PCMTD2: variants seen among roughly 807,000 people sequenced by gnomAD.
PCMTD2 encodes protein-L-isoaspartate O-methyltransferase domain-containing protein 2.
PCMTD2 carries 16 observed loss-of-function variants against 33.4 expected under a neutral mutation model. The ratio of observed to expected loss-of-function variants is 0.48; its 90% CI spans 0.32 to 0.73. PCMTD2 has a LOEUF of 0.73. PCMTD2 is among the 30% of genes least tolerant of loss of function. PCMTD2 has a pLI of 0.03. For missense variants in PCMTD2, 374 were observed against 449.9 expected (o/e 0.83, Z 1.53); for synonymous variants, 161 against 160.8 (o/e 1.00, Z -0.01).
Position 64,255,766 on chromosome 20 carries a change from A to AGGTTGGAGCGGCGCTGCTCGGCCGC in PCMTD2, c.-126_-102dup, listed in dbSNP as rs1985124183. ...CGGCGGCGGATGTTTACGGCGGCCG[A>AGGTTGGAGCGGCGCTGCTCGGCCGC]GGTTGGAGCGGCGCTGCTCGGCCGC... is the stretch of plus-strand genomic sequence containing the variant. On this transcript the variant is annotated 5_prime_UTR_variant, in exon 1 of 6. The change creates a premature stop within an existing upstream ORF in the 5' untranslated region. Coordinates refer to ENST00000308824, the MANE Select transcript of PCMTD2 (RefSeq NM_018257.3). 5.8e-6 allele frequency: 1 copy of AGGTTGGAGCGGCGCTGCTCGGCCGC among 173,284 alleles called. No homozygotes were observed. The highest frequency in any genetic ancestry group is 2.6e-5 in the African/African-American group (1 of 38,090). The allele number at this position is 173,284 out of a possible 1,614,324, so 10.7% of individuals were successfully genotyped here. A position where few individuals can be genotyped will look rare whatever the true frequency, so the allele number is the denominator to read the frequency against.
At chr20:64,264,651 A>G (rs181754850) in intron 3 of PCMTD2, 120 bp downstream of exon 3, 1 of 629,806 alleles carries the variant, frequency 1.6e-6, no homozygotes, top group East Asian at 2.7e-5. Context: ...GGATGATTCT[A>G]TGTGCCTGTT....
At chr20:64,263,721 A>G (rs1296276747) in intron 2 of PCMTD2, among the ~76,000 whole-genome samples, 1 of 152,138 alleles carries the variant, frequency 6.6e-6, no homozygotes, top group Non-Finnish European at 1.5e-5. Flanking sequence ...TCCTCCTCCT[A>G]GAAAGTTCAC....
intron 5 of PCMTD2, among the ~76,000 whole-genome samples, chr20:64,268,900 G>A (rs1191669583): frequency 6.6e-6 from 1 of 152,168 alleles, no homozygotes; most frequent in Non-Finnish European, 1.5e-5. Context: ...AGCAACAATA[G>A]GACATGCAAA....
At chr20:64,265,109 G>A (rs949641982) in intron 3 of PCMTD2, 149 bp from the exon 4 acceptor site, 2 of 503,144 alleles carry the variant, frequency 4.0e-6, no homozygotes, top group African/African-American at 3.9e-5. Flanking sequence ...AGTAATTCTT[G>A]GACATTTGTA....
chr20:64,270,051 CGTG>C (rs1985838609), intron 5 of PCMTD2, among the ~76,000 whole-genome samples: 1 of 71,424 alleles, frequency 1.4e-5, no homozygotes, highest in African/African-American at 5.7e-5. Flanking sequence ...GAGTGCATGG[CGTG>C]GGGTCTTGTG....
At chr20:64,271,411 G>GTC in intron 5 of PCMTD2, 1 of 10,078 alleles carries the variant, frequency 9.9e-5, no homozygotes, top group Non-Finnish European at 1.8e-4. Flanking sequence ...GGTGTTCGTT[G>GTC]TGAGACGTAC....
chr20:64,269,269 C>T (rs976623174), intron 5 of PCMTD2, among the ~76,000 whole-genome samples: 3 of 152,138 alleles, frequency 2.0e-5, no homozygotes, highest in Non-Finnish European at 4.4e-5. Context: ...CCGCCCTTGG[C>T]GGGGAGGGCA....
chr20:64,260,042 C>T lies in PCMTD2; in HGVS notation c.77C>T (p.Thr26Ile). Residue 26 changes from threonine to isoleucine, a missense_variant, in exon 2 of 6, where the codon ACT (threonine) becomes ATT (isoleucine). Coordinates refer to ENST00000308824, the MANE Select transcript of PCMTD2 (RefSeq NM_018257.3). ...DNLKEAQYIR[T>I]ELVEQAFRAI... The stretch of plus-strand genomic sequence containing the variant: ...TTGAAAGAAGCACAGTATATCCGGA[C>T]TGAGCTGGTAGAGCAGGCTTTCAGA... 6.2e-7 allele frequency: 1 copy of T among 1,611,514 alleles called. No individual in the cohort carries two copies. The highest frequency in any genetic ancestry group is 8.5e-7 in the Non-Finnish European group (1 of 1,177,632).
chr20:64,258,917 T>G (rs1263532451), intron 1 of PCMTD2: 1 of 152,264 alleles, frequency 6.6e-6, no homozygotes, highest in Non-Finnish European at 1.5e-5. Flanking sequence ...TTTTTGTAGT[T>G]TTAAGAAGAG....
At chr20:64,259,757 A>G in intron 1 of PCMTD2, 185 bp from the exon 2 acceptor site, 1 of 560,100 alleles carries the variant, frequency 1.8e-6, no homozygotes, top group Non-Finnish European at 3.1e-6. Flanking sequence ...TTCCAATTGA[A>G]CTGGGATTTT....
chr20:64,259,510 T>C (rs1317621539), intron 1 of PCMTD2, among the ~76,000 whole-genome samples: 1 of 150,502 alleles, frequency 6.6e-6, no homozygotes, highest in Non-Finnish European at 1.5e-5. Context: ...TCCCTCAGCC[T>C]CGCCAGTAGC....
intron 5 of PCMTD2, among the ~76,000 whole-genome samples, chr20:64,268,263 C>G (rs115267432): frequency 6.6e-6 from 1 of 151,708 alleles, no homozygotes; most frequent in African/African-American, 2.4e-5. Context: ...AAGCCGAGGA[C>G]GCACATAAAA....
chr20:64,264,454 G>A lies in PCMTD2; in HGVS notation c.333G>A (p.Val111=), dbSNP rs1162792739. Residue 111 remains valine (V), a synonymous_variant, in exon 3 of 6, where the codon GTG becomes GTA. Coordinates refer to ENST00000308824, the MANE Select transcript of PCMTD2 (RefSeq NM_018257.3). The part of the protein sequence containing the change: ...ILGPFGVNHG[V]ELHSDVIEYA... ...GTCCTTTTGGTGTGAACCATGGGGT[G>A]GAACTTCACTCAGATGTGATAGAGT... The A allele has an allele frequency of 1.3e-6, 2 of 1,598,300 alleles. No homozygotes were observed. Among genetic ancestry groups the A allele is most frequent in the East Asian group, 4.5e-5 (2 of 44,786 alleles).
Position 64,275,016 on chromosome 20 carries a change from G to A in PCMTD2, c.*1416G>A, listed in dbSNP as rs1986056769. 1.3e-5 allele frequency: 2 copies of A among 152,040 alleles called. No homozygotes were observed. 9.4% of individuals were successfully genotyped at this position (152,040 alleles called of 1,614,324 possible). A position where few individuals can be genotyped will look rare whatever the true frequency, so the allele number is the denominator to read the frequency against. On this transcript the variant is annotated 3_prime_UTR_variant, in exon 6 of 6. Coordinates refer to ENST00000308824, the MANE Select transcript of PCMTD2 (RefSeq NM_018257.3). ...TCCTCAGCTTCTTGGGAGTTGCTGG[G>A]CTTCAGTGTCTCTGTGGTTTCACCA...
At chr20:64,265,464 C>G in intron 4 of PCMTD2, 35 bp downstream of exon 4, 1 of 1,538,416 alleles carries the variant, frequency 6.5e-7, no homozygotes, top group South Asian at 1.2e-5. Flanking sequence ...TTTCTGCACA[C>G]TGTGTGCCAA....
intron 5 of PCMTD2, among the ~76,000 whole-genome samples, chr20:64,269,167 A>G (rs888089754): frequency 2.0e-5 from 3 of 152,226 alleles, no homozygotes; most frequent in African/African-American, 7.2e-5. Context: ...GTGCCTGTGT[A>G]TCCTGGATAA....
intron 1 of PCMTD2, among the ~76,000 whole-genome samples, chr20:64,259,579 G>T (rs1808056): frequency 6.6e-6 from 1 of 151,566 alleles, no homozygotes; most frequent in Non-Finnish European, 1.5e-5. Context: ...TAGTAGAGAC[G>T]GGGTTTCACC....
intron 5 of PCMTD2, 97 bp from the exon 6 acceptor site, chr20:64,273,124 C>T: frequency 1.0e-6 from 1 of 966,852 alleles, no homozygotes. Flanking sequence ...ATAAATTTGC[C>T]AGTTAATTGA....
intron 3 of PCMTD2, among the ~76,000 whole-genome samples, chr20:64,264,831 G>A (rs1395260002): frequency 6.6e-6 from 1 of 152,170 alleles, no homozygotes; most frequent in Admixed American, 6.5e-5. Context: ...AACAGTATAT[G>A]TAACTAGCTT....
Sources: gnomAD v4.1 joint callset for allele counts (sites outside exome capture counted in the v4.1 genomes callset) on GRCh38, gnomAD v4.1.1 for gene constraint, MANE v1.5 for transcripts, NCBI Gene and HGNC (gene_info 2026-07-23, HGNC 2026-07-21) for gene names.